Variants in HUNK observed in about 807,000 individuals in gnomAD.
HUNK encodes the protein hormonally up-regulated Neu-associated kinase, also known as hormonally up-regulated neu tumor-associated kinase.
In HUNK, 21 loss-of-function variants were observed where a neutral mutation model predicts 61.0. The ratio of observed to expected loss-of-function variants is 0.34; its 90% CI spans 0.24 to 0.50. The LOEUF is 0.50. Among genes scored for constraint, HUNK ranks in the 20% least tolerant of loss-of-function variants. The pLI, the probability that HUNK is intolerant of heterozygous loss-of-function variation, is 0.98. For synonymous variants in HUNK, 371 were observed against 386.1 expected (o/e 0.96, Z 0.46); for missense variants, 772 against 945.7 (o/e 0.82, Z 2.41).
chr21:31,971,956 G>T (rs1030194648), intron 6 of HUNK, among the ~76,000 whole-genome samples: 1 of 151,688 alleles, frequency 6.6e-6, no homozygotes, highest in African/African-American at 2.4e-5. Context: ...AGCTTCTATA[G>T]TAGAGGGACT....
intron 5 of HUNK, among the ~76,000 whole-genome samples, chr21:31,967,994 T>G (rs1173778881): frequency 3.3e-5 from 5 of 152,132 alleles, no homozygotes; most frequent in Non-Finnish European, 5.9e-5. Context: ...TCTTTGGCTA[T>G]GTGGTGTGTA....
chr21:31,971,322 G>A (rs2053009433), intron 6 of HUNK, among the ~76,000 whole-genome samples: 1 of 152,002 alleles, frequency 6.6e-6, no homozygotes, highest in African/African-American at 2.4e-5. Flanking sequence ...TCCGCCTGCT[G>A]CAGCCTCCCA....
chr21:31,898,501 A>C (rs1342437692), intron 1 of HUNK, among the ~76,000 whole-genome samples: 2 of 152,184 alleles, frequency 1.3e-5, no homozygotes, highest in African/African-American at 4.8e-5. Flanking sequence ...TCCTGGCGTC[A>C]AGTGATCTGC....
rs116298100 is a variant in HUNK, at chr21:31,941,094, T to G, written c.610+874T>G. Among the ~76,000 whole-genome samples, 1,432 of 152,294 alleles carry G rather than the reference T, an allele frequency of 9.4e-3. 23 individuals are homozygous for G. Among genetic ancestry groups the G allele is most frequent in the African/African-American group, 0.033 (1,380 of 41,570 alleles). On this transcript the variant is annotated intron_variant, in intron 3 of 10. Transcript: ENST00000270112. ...CATCATTAAAATGACTTATTAGATA[T>G]TTTGGGATTACAGTCAGCTCCCAAT...
chr21:31,903,822 A>C (rs545799689), intron 1 of HUNK, among the ~76,000 whole-genome samples: 1 of 152,228 alleles, frequency 6.6e-6, no homozygotes. Context: ...AAGTAAGAGG[A>C]ATGTTTTAAG....
chr21:31,905,849 G>T (rs1276338032), intron 1 of HUNK, among the ~76,000 whole-genome samples: 1 of 152,224 alleles, frequency 6.6e-6, no homozygotes, highest in Non-Finnish European at 1.5e-5. Flanking sequence ...AGGAAGCCTC[G>T]TGTTCTCATA....
chr21:31,998,535 G>T lies in HUNK; in HGVS notation c.1496G>T (p.Gly499Val). The T allele has an allele frequency of 6.3e-7, 1 of 1,585,856 alleles. No individual in the cohort carries two copies. Among genetic ancestry groups the T allele is most frequent in the Non-Finnish European group, 8.6e-7 (1 of 1,166,620 alleles). ...KSSFPDKDSFGCRNIFRKTSD... is the reference protein window; with the variant it reads ...KSSFPDKDSFVCRNIFRKTSD... ...CTTTCTTGGTGTGCAGATTCCTTTG[G>T]CTGCCGCAATATTTTCCGCAAAACC... Residue 499 changes from glycine to valine, a missense_variant, in exon 11 of 11, where the codon GGC becomes GTC. Gly to Val is a moderately radical substitution (Grantham distance 109). Around this residue, in one of 2 missense-constraint regions of HUNK, gnomAD observed 413 missense variants for 444.4 expected, o/e 0.93. Coordinates refer to ENST00000270112, the MANE Select transcript of HUNK (RefSeq NM_014586.2).
chr21:31,902,619 A>C (rs748892475), intron 1 of HUNK, among the ~76,000 whole-genome samples: 5 of 152,204 alleles, frequency 3.3e-5, no homozygotes, highest in Non-Finnish European at 4.4e-5. Context: ...AACTAGTCCC[A>C]GTTGGAGGTT....
In HUNK at chr21:31,943,452, G is replaced by A. The variant is rs998777200; in HGVS notation, c.611-2584G>A. 1.1e-4 allele frequency among the ~76,000 whole-genome samples: 17 copies of A among 152,188 alleles called. 1 individual carries two copies. The highest frequency in any genetic ancestry group is 2.9e-5 in the Non-Finnish European group (2 of 68,038). ...TGAGACAGACCCATGTGACATTGCTGGGAGGTGGCCTTCTCTCAAGTTCCA... is the reference window on the plus strand; with the variant it reads ...TGAGACAGACCCATGTGACATTGCTAGGAGGTGGCCTTCTCTCAAGTTCCA... On this transcript the variant is annotated intron_variant, in intron 3 of 10. Coordinates refer to ENST00000270112, the MANE Select transcript of HUNK (RefSeq NM_014586.2).
chr21:31,937,302 T>G (rs182512023), intron 2 of HUNK, among the ~76,000 whole-genome samples: 2 of 152,220 alleles, frequency 1.3e-5, no homozygotes. Context: ...CTGATGACTT[T>G]GGGTGCTCTA....
At chr21:31,922,474 C>A (rs1411543521) in intron 1 of HUNK, among the ~76,000 whole-genome samples, 1 of 152,036 alleles carries the variant, frequency 6.6e-6, no homozygotes, top group Non-Finnish European at 1.5e-5. Context: ...TTCCAGGCAT[C>A]CACCACCACG....
At chr21:31,912,273 G>A (rs544422311) in intron 1 of HUNK, among the ~76,000 whole-genome samples, 5 of 152,216 alleles carry the variant, frequency 3.3e-5, no homozygotes, top group South Asian at 4.2e-4. Context: ...TGAAATGACC[G>A]AGGGTTTGGT....
intron 6 of HUNK, 44 bp downstream of exon 6, chr21:31,968,429 CT>C (rs2052983553): frequency 6.2e-7 from 1 of 1,610,818 alleles, no homozygotes; most frequent in African/African-American, 1.3e-5. Flanking sequence ...GAGACGGGGC[CT>C]GTCCTACTAG....
chr21:31,990,517 CTTTATTTATTTATTTATTTA>C (rs3056170), intron 9 of HUNK, among the ~76,000 whole-genome samples: 5 of 142,848 alleles, frequency 3.5e-5, no homozygotes, highest in Non-Finnish European at 6.1e-5. Context: ...ATGTTAATCA[CTTTATTTATTTATTTATTTA>C]TTTATTTATT....
At chr21:31,879,734 G>A (rs1182195954) in intron 1 of HUNK, among the ~76,000 whole-genome samples, 3 of 152,302 alleles carry the variant, frequency 2.0e-5, no homozygotes, top group East Asian at 3.9e-4. Flanking sequence ...GGTGGGGAGT[G>A]GCAGCCATGT....
intron 5 of HUNK, among the ~76,000 whole-genome samples, chr21:31,966,055 C>A (rs1019717375): frequency 1.3e-5 from 2 of 152,118 alleles, no homozygotes; most frequent in African/African-American, 4.8e-5. Context: ...TTATCCCCTG[C>A]CCCTCTCCTA....
At chr21:31,901,947 C>T (rs933655063) in intron 1 of HUNK, among the ~76,000 whole-genome samples, 1 of 152,054 alleles carries the variant, frequency 6.6e-6, no homozygotes, top group Admixed American at 6.6e-5. Context: ...ACTTAGCTGT[C>T]GGTTGAGAGT....
intron 1 of HUNK, among the ~76,000 whole-genome samples, chr21:31,902,371 G>A (rs985240157): frequency 1.3e-5 from 2 of 152,140 alleles, no homozygotes; most frequent in African/African-American, 4.8e-5. Flanking sequence ...TTAGCCAGGC[G>A]TGGTGGCGCA....
At chr21:31,967,001 C>T (rs2052971644) in intron 5 of HUNK, among the ~76,000 whole-genome samples, 1 of 152,140 alleles carries the variant, frequency 6.6e-6, no homozygotes, top group Non-Finnish European at 1.5e-5. Context: ...CCATTCTTTG[C>T]CCACATGTGG....
Sources: allele counts gnomAD v4.1 joint callset (sites outside exome capture counted in the v4.1 genomes callset), GRCh38; gene constraint gnomAD v4.1.1; regional missense constraint gnomAD v4.1.1; transcripts MANE v1.5; gene names NCBI Gene and HGNC (gene_info 2026-07-23, HGNC 2026-07-21).